The following KANSL3 variants were observed in gnomAD, a reference collection of about 807,000 sequenced individuals.
The protein encoded by KANSL3 is NSL complex protein NSL3.
KANSL3 carries 16 observed loss-of-function variants against 89.2 expected under a neutral mutation model. The ratio of observed to expected loss-of-function variants is 0.18; its 90% CI spans 0.12 to 0.27. The LOEUF (loss-of-function observed/expected upper bound fraction) is 0.27, where lower values mean the gene tolerates loss of function less well. KANSL3 is among the 10% of genes least tolerant of loss of function. The pLI is 1.00. For missense variants in KANSL3, 879 were observed against 1,110.6 expected, an observed-to-expected ratio of 0.79 and a Z score of 2.96; for synonymous variants, 385 against 419.7, an observed-to-expected ratio of 0.92 and a Z score of 1.01.
At chr2:96,586,294 C>T in the KANSL3 span, among the ~76,000 whole-genome samples, 1 of 151,176 alleles carries the variant, frequency 6.6e-6, no homozygotes, top group East Asian at 1.9e-4. Context: ...GATTAAAATA[C>T]TACACATTTG....
At position 96,594,695 on chromosome 2, in the gene KANSL3, ATTC is replaced by A. The variant is rs1403093328; in HGVS notation, c.*913_*915del. The A allele has an allele frequency of 6.6e-6, 1 of 152,318 alleles. No homozygotes were observed. Among genetic ancestry groups the A allele is most frequent in the Non-Finnish European group, 1.5e-5 (1 of 68,158 alleles). 9.4% of individuals were successfully genotyped at this position (152,318 alleles called of 1,614,324 possible). ...TGGGGTTTCTTCTCTGACTTGGCAA[ATTC>A]TTCTTTTTATCTCCAGCTGAACCAC... On this transcript the variant is annotated 3_prime_UTR_variant, in exon 21 of 21. Transcript: ENST00000431828.
At chr2:96,601,356 A>T in intron 20 of KANSL3, 1 of 985,426 alleles carries the variant, frequency 1.0e-6, no homozygotes, top group Non-Finnish European at 1.2e-6. Context: ...ATGAGAAAAA[A>T]ATGAAACGAA....
At chr2:96,613,083 T>G in intron 6 of KANSL3, 149 bp from the exon 7 acceptor site, 9 of 596,106 alleles carry the variant, frequency 1.5e-5, no homozygotes, top group Admixed American at 2.8e-5. Context: ...TTATTAATAA[T>G]AGTTAAAGAA....
At chr2:96,620,907 TG>T (rs778815750) in intron 3 of KANSL3, among the ~76,000 whole-genome samples, 1 of 151,208 alleles carries the variant, frequency 6.6e-6, no homozygotes, top group East Asian at 2.0e-4. Flanking sequence ...GAGCCTGAGG[TG>T]GGAGAATCGC....
In KANSL3 at chr2:96,608,847, C is replaced by G. The variant is rs780372948; in HGVS notation, c.1584+17G>C. The stretch of plus-strand genomic sequence containing the variant: ...GCTGATTCCCCAGCAAAAGCGCTCC[C>G]TCCCTGCTCACACTACCTCTGAGCC... On this transcript the variant is annotated intron_variant, in intron 13 of 20. Transcript: ENST00000431828. 7 of 1,552,858 alleles carry G rather than the reference C, an allele frequency of 4.5e-6. No individual in the cohort carries two copies. In the African/African-American group the frequency reaches 6.8e-5, roughly 15 times the overall value.
intron 19 of KANSL3, 144 bp from the exon 20 acceptor site, chr2:96,601,920 A>G: frequency 1.5e-6 from 2 of 1,319,740 alleles, no homozygotes; most frequent in Non-Finnish European, 2.0e-6. Flanking sequence ...CTATCAGTCA[A>G]TCTGAAAGGC....
downstream of KANSL3, among the ~76,000 whole-genome samples, chr2:96,590,198 A>AT (rs891619278): frequency 3.9e-5 from 6 of 152,126 alleles, no homozygotes; most frequent in Non-Finnish European, 4.4e-5. Flanking sequence ...AAGAGACAAT[A>AT]TAGAATGCTG....
At chr2:96,619,636 G>C (rs763199195) in intron 4 of KANSL3, 36 bp downstream of exon 4, 1 of 1,593,184 alleles carries the variant, frequency 6.3e-7, no homozygotes, top group South Asian at 1.1e-5. Context: ...CCTGAACTAC[G>C]AAGAGCCCAC....
chr2:96,611,733 G>A (rs1307783343), intron 9 of KANSL3, among the ~76,000 whole-genome samples: 1 of 152,062 alleles, frequency 6.6e-6, no homozygotes, highest in African/African-American at 2.4e-5. Flanking sequence ...AATACGAAAA[G>A]ATTCCTTGAT....
chr2:96,622,741 C>A (rs966138144), intron 3 of KANSL3, among the ~76,000 whole-genome samples: 1 of 152,224 alleles, frequency 6.6e-6, no homozygotes, highest in Non-Finnish European at 1.5e-5. Flanking sequence ...CTGATCCTCA[C>A]TTACTTCAGT....
chr2:96,607,151 C>T, intron 14 of KANSL3: 1 of 581,856 alleles, frequency 1.7e-6, no homozygotes, highest in South Asian at 1.6e-5. Context: ...ATAGGGGCTC[C>T]TTCTGAAATT....
intron 3 of KANSL3, among the ~76,000 whole-genome samples, chr2:96,627,569 GA>G (rs2072589813): frequency 6.6e-6 from 1 of 152,044 alleles, no homozygotes; most frequent in African/African-American, 2.4e-5. Flanking sequence ...CAAGAGAGAG[GA>G]AAAAAGCTCT....
In KANSL3 at chr2:96,604,005, C is replaced by T. The variant is rs1213342420; in HGVS notation, c.2149+245G>A. The T allele has an allele frequency of 1.0e-5, 4 of 392,566 alleles. No individual in the cohort carries two copies. In the South Asian group the frequency reaches 1.8e-4, roughly 18 times the overall value. 24.3% of individuals were successfully genotyped at this position (392,566 alleles called of 1,614,324 possible). On this transcript the variant is annotated intron_variant, in intron 17 of 20. Transcript: ENST00000431828. Reference sequence around the variant, plus strand: ...CTATTTCTCCTTACAGTAGAGGATACAGCACCTGTAGACTGGAACATTTAC... The same window carrying T: ...CTATTTCTCCTTACAGTAGAGGATATAGCACCTGTAGACTGGAACATTTAC...
the KANSL3 span, among the ~76,000 whole-genome samples, chr2:96,584,412 G>A: frequency 1.3e-5 from 2 of 152,208 alleles, no homozygotes; most frequent in East Asian, 3.8e-4. Context: ...GATCAAATCA[G>A]GATAATTGGC....
chr2:96,600,010 G>A (rs992497181), intron 20 of KANSL3, among the ~76,000 whole-genome samples: 7 of 152,120 alleles, frequency 4.6e-5, no homozygotes, highest in African/African-American at 9.7e-5. Context: ...ATAAACAAGT[G>A]TTCACCAGAG....
chr2:96,609,241 A>C (rs2068477007), intron 12 of KANSL3, among the ~76,000 whole-genome samples, 177 bp from the exon 13 acceptor site: 1 of 152,228 alleles, frequency 6.6e-6, no homozygotes, highest in African/African-American at 2.4e-5. Flanking sequence ...ACTGTGGTTC[A>C]AGAAGACCAG....
At chr2:96,601,933 C>T (rs963944059) in intron 19 of KANSL3, 157 bp from the exon 20 acceptor site, 1 of 1,276,358 alleles carries the variant, frequency 7.8e-7, no homozygotes. Context: ...TGAAAGGCAA[C>T]AGGAAACAGC....
intron 2 of KANSL3, among the ~76,000 whole-genome samples, chr2:96,636,419 G>T (rs1345220970): frequency 2.0e-5 from 3 of 152,196 alleles, no homozygotes; most frequent in Non-Finnish European, 4.4e-5. Context: ...TTAACCTATG[G>T]ATAGCAGCTC....
chr2:96,604,959 C>G (rs1460333807), intron 15 of KANSL3, 96 bp from the exon 16 acceptor site: 1 of 975,368 alleles, frequency 1.0e-6, no homozygotes, highest in Admixed American at 2.8e-5. Flanking sequence ...ATATTACGGA[C>G]GAAAACTGGA....
Sources: gnomAD v4.1 joint callset for allele counts (sites outside exome capture counted in the v4.1 genomes callset) on GRCh38, gnomAD v4.1.1 for gene constraint, MANE v1.5 for transcripts, NCBI Gene and HGNC (gene_info 2026-07-23, HGNC 2026-07-21) for gene names.